SRGAP1: variants seen among roughly 807,000 people sequenced by gnomAD.
The protein encoded by SRGAP1 is SLIT-ROBO Rho GTPase-activating protein 1.
Under a neutral mutation model 121.9 loss-of-function variants are expected in SRGAP1, and 43 were observed. That is an observed-to-expected ratio of 0.35 (90% CI 0.28 to 0.46). The LOEUF (loss-of-function observed/expected upper bound fraction) is 0.46. SRGAP1 is among the 20% of genes least tolerant of loss of function. The pLI is 1.00. For synonymous variants in SRGAP1, 447 were observed against 485.4 expected (o/e 0.92, Z 1.04); for missense variants, 1,102 against 1,350.9 (o/e 0.82, Z 2.89).
intron 1 of SRGAP1, among the ~76,000 whole-genome samples, chr12:63,860,250 A>G (rs898159900): frequency 8.5e-5 from 13 of 152,126 alleles, no homozygotes; most frequent in African/African-American, 2.4e-4. Context: ...AGCTCAAGCA[A>G]TTTGCCTGCC....
chr12:64,047,757 A>T (rs1315788373), intron 6 of SRGAP1, among the ~76,000 whole-genome samples: 1 of 152,162 alleles, frequency 6.6e-6, no homozygotes, highest in Non-Finnish European at 1.5e-5. Context: ...TTTTCCGTAG[A>T]AACTATTATA....
intron 3 of SRGAP1, among the ~76,000 whole-genome samples, chr12:63,996,672 A>G (rs534716599): frequency 2.0e-5 from 3 of 152,238 alleles, no homozygotes; most frequent in South Asian, 4.1e-4. Flanking sequence ...AAATAATATA[A>G]CAAGAAGAAC....
intron 1 of SRGAP1, among the ~76,000 whole-genome samples, chr12:63,964,933 G>A (rs995098433): frequency 6.6e-6 from 1 of 152,184 alleles, no homozygotes; most frequent in Admixed American, 6.5e-5. Context: ...TTCAGATACA[G>A]AATCTGTAAT....
intron 1 of SRGAP1, among the ~76,000 whole-genome samples, chr12:63,866,154 ATGT>A (rs1424794866): frequency 5.3e-5 from 8 of 152,178 alleles, no homozygotes; most frequent in Non-Finnish European, 7.3e-5. Flanking sequence ...AGAATCGTCG[ATGT>A]TGTTCTTCGA....
At position 63,844,702 on chromosome 12, in the gene SRGAP1, G is replaced by T; in HGVS notation, c.-115G>T. The T allele has an allele frequency of 1.0e-6, 1 of 978,120 alleles. No individual in the cohort carries two copies. Among genetic ancestry groups the T allele is most frequent in the Non-Finnish European group, 1.7e-6 (1 of 600,330 alleles). The allele number at this position is 978,120 out of a possible 1,614,324, so 60.6% of individuals were successfully genotyped here. A position where few individuals can be genotyped will look rare whatever the true frequency, so the allele number is the denominator to read the frequency against. On this transcript the variant is annotated 5_prime_UTR_variant, in exon 1 of 22. Coordinates refer to ENST00000355086, the MANE Select transcript of SRGAP1 (RefSeq NM_020762.4). The surrounding 1 kb of genome is among the most constrained non-coding windows in gnomAD (Gnocchi z 4.3). Reference sequence around the variant, plus strand: ...CTCCCTCCTCCCTTCCCTCGGGTCGGCGCTGCCTCTGGATTGCCTGCGTGT... The same window carrying T: ...CTCCCTCCTCCCTTCCCTCGGGTCGTCGCTGCCTCTGGATTGCCTGCGTGT...
At chr12:64,040,362 T>C (rs567842846) in intron 4 of SRGAP1, among the ~76,000 whole-genome samples, 1 of 152,224 alleles carries the variant, frequency 6.6e-6, no homozygotes, top group Non-Finnish European at 1.5e-5. Flanking sequence ...AAATTGGCTC[T>C]GAGTAACGTG....
At chr12:64,094,860 C>A in intron 12 of SRGAP1, 72 bp from the exon 13 acceptor site, 2 of 1,396,778 alleles carry the variant, frequency 1.4e-6, no homozygotes, top group South Asian at 1.2e-5. Context: ...TACTGTTAAA[C>A]TCTAAGCCTT....
intron 1 of SRGAP1, among the ~76,000 whole-genome samples, chr12:63,892,436 GTTGAA>G (rs1900617942): frequency 6.6e-6 from 1 of 152,178 alleles, no homozygotes; most frequent in Admixed American, 6.5e-5. Context: ...TAATGATATT[GTTGAA>G]TTGAACATAT....
chr12:63,892,633 G>T (rs1302059858), intron 1 of SRGAP1, among the ~76,000 whole-genome samples: 1 of 152,076 alleles, frequency 6.6e-6, no homozygotes, highest in Non-Finnish European at 1.5e-5. Context: ...GCAAAACCAT[G>T]ATAAGCACCA....
At chr12:64,093,335 T>A (rs558137029) in intron 12 of SRGAP1, among the ~76,000 whole-genome samples, 10 of 152,310 alleles carry the variant, frequency 6.6e-5, no homozygotes, top group South Asian at 2.1e-4. Context: ...ATAGCTTTTT[T>A]AAAAAGCAAT....
chr12:64,077,041 C>G (rs944084771), intron 8 of SRGAP1, among the ~76,000 whole-genome samples: 12 of 152,084 alleles, frequency 7.9e-5, no homozygotes, highest in Non-Finnish European at 8.8e-5. Context: ...TTCAAGCAGT[C>G]CAAGAAATTC....
At chr12:63,940,853 T>G (rs1304509566) in intron 1 of SRGAP1, among the ~76,000 whole-genome samples, 1 of 152,218 alleles carries the variant, frequency 6.6e-6, no homozygotes, top group Non-Finnish European at 1.5e-5. Flanking sequence ...CTCCTATGAA[T>G]TATGCATCAT....
intron 6 of SRGAP1, among the ~76,000 whole-genome samples, chr12:64,047,004 T>A (rs1348681293): frequency 1.3e-5 from 2 of 152,190 alleles, no homozygotes; most frequent in African/African-American, 4.8e-5. Flanking sequence ...GGCTTCAAAC[T>A]CATACATTTT....
chr12:64,050,278 C>G (rs1016208302), intron 6 of SRGAP1, among the ~76,000 whole-genome samples: 12 of 152,136 alleles, frequency 7.9e-5, no homozygotes, highest in African/African-American at 2.7e-4. Context: ...TTAGTGGCAT[C>G]ATTAGCTTTT....
chr12:64,025,758 G>A (rs2034640081), intron 4 of SRGAP1, among the ~76,000 whole-genome samples: 1 of 152,182 alleles, frequency 6.6e-6, no homozygotes, highest in Non-Finnish European at 1.5e-5. Context: ...TGGAAAGAAA[G>A]AGGGACTGGG....
intron 1 of SRGAP1, among the ~76,000 whole-genome samples, chr12:63,927,242 C>G (rs1224571013): frequency 6.6e-6 from 1 of 152,214 alleles, no homozygotes. Context: ...AGTTCTAGAA[C>G]TTGCGCTTTG....
At position 64,008,322 on chromosome 12, in the gene SRGAP1, A is replaced by T. The variant is rs141369548; in HGVS notation, c.427-8628A>T. On this transcript the variant is annotated intron_variant, in intron 3 of 21. Coordinates refer to ENST00000355086, the MANE Select transcript of SRGAP1 (RefSeq NM_020762.4). ...AAAATTTCTCTGATTGTATTCAGCA[A>T]CCCAAGTGTCTTTGTCAAAAAGATA... Among the ~76,000 whole-genome samples, 149 of 152,172 alleles carry T rather than the reference A, an allele frequency of 9.8e-4. 4 individuals carry two copies. The South Asian group carries it at 0.015, about 15-fold the overall frequency.
At chr12:63,903,775 C>T (rs1206341676) in intron 1 of SRGAP1, among the ~76,000 whole-genome samples, 14 of 151,978 alleles carry the variant, frequency 9.2e-5, no homozygotes, top group Admixed American at 5.9e-4. Flanking sequence ...GCTGGGACTA[C>T]GGGCGCCCGC....
At chr12:63,918,136 T>C (rs566154027) in intron 1 of SRGAP1, among the ~76,000 whole-genome samples, 39 of 152,296 alleles carry the variant, frequency 2.6e-4, no homozygotes, top group Non-Finnish European at 4.1e-4. Flanking sequence ...TGCAGATTGC[T>C]CAAAGCTATG....
Sources: allele counts gnomAD v4.1 joint callset (sites outside exome capture counted in the v4.1 genomes callset), GRCh38; gene constraint gnomAD v4.1.1; non-coding constraint Gnocchi (gnomAD v3.1); transcripts MANE v1.5; gene names NCBI Gene and HGNC (gene_info 2026-07-23, HGNC 2026-07-21).